The following GRIN2A variants were observed in gnomAD, a reference collection of about 807,000 sequenced individuals.
The protein encoded by GRIN2A is glutamate ionotropic receptor NMDA type subunit 2A.
Under a neutral mutation model 113.4 loss-of-function variants are expected in GRIN2A, and 22 were observed. That is an observed-to-expected ratio of 0.19 (90% confidence interval 0.14 to 0.28). The LOEUF is 0.28. Ranked by LOEUF, GRIN2A falls within the 10% of genes least tolerant of loss-of-function variation. The probability of loss-of-function intolerance (pLI) is 1.00; values close to 1 mark genes in which losing one functional copy is unlikely to be tolerated. For missense variants in GRIN2A, 1,502 were observed against 1,887.0 expected, an observed-to-expected ratio of 0.80 and a Z score of 3.78; for synonymous variants, 827 against 738.4, an observed-to-expected ratio of 1.12 and a Z score of -1.94.
chr16:9,965,227 T>A (rs535422575), intron 2 of GRIN2A, among the ~76,000 whole-genome samples: 2 of 152,322 alleles, frequency 1.3e-5, no homozygotes, highest in Admixed American at 1.3e-4. Context: ...AGCATCTCCA[T>A]ACCAACAGCT....
chr16:9,938,063 G>T lies in GRIN2A; in HGVS notation c.903C>A (p.Thr301=), dbSNP rs78241448. 1 of 1,614,036 alleles carries T rather than the reference G, an allele frequency of 6.2e-7. No individual in the cohort carries two copies. The highest frequency in any genetic ancestry group is 1.1e-5 in the South Asian group (1 of 91,084). ...ACTTCTCCAGCATAGAAGATGCAGC[G>T]GTGGTTAGGATGCCAATGCCGTCCC... ...RVRDGIGILT[T]AASSMLEKFS... Residue 301 remains threonine (T), a synonymous_variant, in exon 3 of 13, where the codon ACC becomes ACA. Transcript: ENST00000330684.
At chr16:10,041,436 G>C (rs1198067464) in intron 2 of GRIN2A, among the ~76,000 whole-genome samples, 1 of 152,110 alleles carries the variant, frequency 6.6e-6, no homozygotes, top group Non-Finnish European at 1.5e-5. Flanking sequence ...ACTCCCTGAA[G>C]CTAAATTGTT....
intron 2 of GRIN2A, among the ~76,000 whole-genome samples, chr16:10,017,392 G>A (rs560770356): frequency 6.6e-6 from 1 of 152,142 alleles, no homozygotes; most frequent in Non-Finnish European, 1.5e-5. Context: ...TGGGGATCAT[G>A]AAAGAAGGCA....
intron 2 of GRIN2A, among the ~76,000 whole-genome samples, chr16:10,067,973 C>G (rs1205117585): frequency 1.3e-5 from 2 of 152,226 alleles, no homozygotes; most frequent in Non-Finnish European, 2.9e-5. Context: ...TACTCAGTGG[C>G]TGTGGAACTT....
At chr16:9,790,990 TGC>T (rs1253151386) in intron 11 of GRIN2A, among the ~76,000 whole-genome samples, 2 of 152,228 alleles carry the variant, frequency 1.3e-5, no homozygotes, top group African/African-American at 4.8e-5. Flanking sequence ...ATCTAATGTG[TGC>T]CAGGCATGGA....
intron 2 of GRIN2A, among the ~76,000 whole-genome samples, chr16:9,952,677 A>G (rs1291110783): frequency 6.6e-6 from 1 of 152,190 alleles, no homozygotes; most frequent in Non-Finnish European, 1.5e-5. Flanking sequence ...GATAGAATAT[A>G]AGCTCCATGA....
In GRIN2A at chr16:10,077,849, A is replaced by AT. The variant is rs138221652; in HGVS notation, c.414+102148dup. Among the ~76,000 whole-genome samples the AT allele has an allele frequency of 9.8e-3, 1,485 of 151,764 alleles. 16 individuals carry two copies. Among genetic ancestry groups the AT allele is most frequent in the African/African-American group, 0.034 (1,418 of 41,368 alleles). ...TCTTTAGGGTCTTTATCCAAATACC[A>AT]TTTTTTTTGGTGATACCTTCCGTGG... On this transcript the variant is annotated intron_variant, in intron 2 of 12. Coordinates refer to ENST00000330684, the MANE Select transcript of GRIN2A (RefSeq NM_001134407.3).
At chr16:9,900,065 C>A (rs1447700227) in intron 3 of GRIN2A, among the ~76,000 whole-genome samples, 1 of 152,214 alleles carries the variant, frequency 6.6e-6, no homozygotes, top group Non-Finnish European at 1.5e-5. Context: ...TGATAAAGGC[C>A]AGCAGAGTGC....
At chr16:9,926,535 G>C (rs2044468710) in intron 3 of GRIN2A, among the ~76,000 whole-genome samples, 2 of 152,166 alleles carry the variant, frequency 1.3e-5, no homozygotes, top group Admixed American at 6.5e-5. Context: ...AAGATCTCTG[G>C]AGGTGAGCTA....
At chr16:10,117,822 T>C (rs1567311269) in intron 2 of GRIN2A, among the ~76,000 whole-genome samples, 2 of 152,310 alleles carry the variant, frequency 1.3e-5, no homozygotes, top group African/African-American at 2.4e-5. Flanking sequence ...ATAATGACAA[T>C]AGAAATATAG....
chr16:10,004,513 A>C (rs1487452646), intron 2 of GRIN2A, among the ~76,000 whole-genome samples: 1 of 152,172 alleles, frequency 6.6e-6, no homozygotes, highest in Non-Finnish European at 1.5e-5. Flanking sequence ...TTCCCAAATC[A>C]GTTGCACTGG....
chr16:9,930,282 T>G (rs1156495887), intron 3 of GRIN2A, among the ~76,000 whole-genome samples: 1 of 152,182 alleles, frequency 6.6e-6, no homozygotes, highest in Admixed American at 6.5e-5. Flanking sequence ...ATTTAAGTGG[T>G]ATCATCCTCC....
chr16:10,116,810 A>G (rs1326826845), intron 2 of GRIN2A, among the ~76,000 whole-genome samples: 1 of 152,138 alleles, frequency 6.6e-6, no homozygotes, highest in African/African-American at 2.4e-5. Flanking sequence ...TCTATCCCTC[A>G]TCATTAAAGA....
At chr16:10,065,092 A>T (rs541814861) in intron 2 of GRIN2A, among the ~76,000 whole-genome samples, 12 of 152,340 alleles carry the variant, frequency 7.9e-5, no homozygotes, top group African/African-American at 2.6e-4. Flanking sequence ...TCCACACAGC[A>T]TTCAACACAA....
At chr16:10,097,000 C>A (rs1002033204) in intron 2 of GRIN2A, among the ~76,000 whole-genome samples, 4 of 152,180 alleles carry the variant, frequency 2.6e-5, no homozygotes, top group Admixed American at 2.0e-4. Flanking sequence ...TACAAGGAGA[C>A]TGAATTAAAT....
chr16:9,945,042 C>A (rs542016287), intron 2 of GRIN2A, among the ~76,000 whole-genome samples: 1 of 152,000 alleles, frequency 6.6e-6, no homozygotes, highest in South Asian at 2.1e-4. Flanking sequence ...AACAATTGGC[C>A]GGGTATGGTG....
At chr16:9,938,625 G>T (rs1464578655) in intron 2 of GRIN2A, 74 bp from the exon 3 acceptor site, 12 of 1,014,360 alleles carry the variant, frequency 1.2e-5, no homozygotes, top group Non-Finnish European at 1.8e-5. Context: ...CTGCGTCCTA[G>T]AAGTAAGGAA....
intron 11 of GRIN2A, 46 bp downstream of exon 11, chr16:9,798,231 G>A (rs1903119855): frequency 6.7e-7 from 1 of 1,493,904 alleles, no homozygotes; most frequent in Non-Finnish European, 9.3e-7. Context: ...AAGCGAGTGT[G>A]AGGGTCTCAA....
chr16:10,137,795 G>T (rs1418915979), intron 2 of GRIN2A, among the ~76,000 whole-genome samples: 1 of 152,182 alleles, frequency 6.6e-6, no homozygotes, highest in African/African-American at 2.4e-5. Context: ...ACAAAGTAAG[G>T]GCTGAAGCAA....
Sources: allele counts gnomAD v4.1 joint callset (sites outside exome capture counted in the v4.1 genomes callset), GRCh38; gene constraint gnomAD v4.1.1; transcripts MANE v1.5; gene names NCBI Gene and HGNC (gene_info 2026-07-23, HGNC 2026-07-21).